Variants in NRG3 observed in about 807,000 individuals in gnomAD.
The protein encoded by NRG3 is neuregulin 3.
In NRG3, 31 loss-of-function variants were observed where a neutral mutation model predicts 66.9. That is an observed-to-expected ratio of 0.46 (90% CI 0.35 to 0.63). The LOEUF is 0.63. Ranked by LOEUF, NRG3 falls within the 20% of genes least tolerant of loss-of-function variation. The pLI is 0.00. For synonymous variants in NRG3, 393 were observed against 359.4 expected, an observed-to-expected ratio of 1.09 and a Z score of -1.06; for missense variants, 910 against 878.9, an observed-to-expected ratio of 1.04 and a Z score of -0.45.
At chr10:82,752,018 A>G (rs994161554) in intron 3 of NRG3, among the ~76,000 whole-genome samples, 2 of 152,126 alleles carry the variant, frequency 1.3e-5, no homozygotes, top group Non-Finnish European at 2.9e-5. Flanking sequence ...TCAGGCACTC[A>G]GGTAATTTTG....
intron 1 of NRG3, among the ~76,000 whole-genome samples, chr10:82,204,660 G>A (rs1419358288): frequency 6.6e-6 from 1 of 152,028 alleles, no homozygotes; most frequent in Admixed American, 6.6e-5. Flanking sequence ...ACTAGCCCTG[G>A]GGGTATTACA....
chr10:82,901,841 C>T (rs1431405588), intron 4 of NRG3, among the ~76,000 whole-genome samples: 3 of 152,196 alleles, frequency 2.0e-5, no homozygotes, highest in Non-Finnish European at 4.4e-5. Context: ...GTTTGGAAGA[C>T]TTCAGATTTC....
chr10:82,287,989 C>A (rs1208727546), intron 1 of NRG3, among the ~76,000 whole-genome samples: 1 of 152,146 alleles, frequency 6.6e-6, no homozygotes, highest in Non-Finnish European at 1.5e-5. Context: ...CAAATCAAGG[C>A]CAGTACTCAA....
intron 1 of NRG3, among the ~76,000 whole-genome samples, chr10:82,185,611 A>G (rs1009491814): frequency 2.0e-5 from 3 of 152,230 alleles, no homozygotes; most frequent in South Asian, 2.1e-4. Flanking sequence ...ATCTATTCAT[A>G]CACACATGCA....
intron 1 of NRG3, among the ~76,000 whole-genome samples, chr10:82,250,627 G>A (rs1564710952): frequency 6.6e-6 from 1 of 152,240 alleles, no homozygotes; most frequent in South Asian, 2.1e-4. Context: ...TCAAGACCAC[G>A]TTGGTCTTGA....
At chr10:82,448,391 A>T (rs986698257) in intron 2 of NRG3, among the ~76,000 whole-genome samples, 1 of 152,240 alleles carries the variant, frequency 6.6e-6, no homozygotes, top group Admixed American at 6.5e-5. Context: ...TGTATTTTAA[A>T]CAATTTTACT....
intron 3 of NRG3, among the ~76,000 whole-genome samples, chr10:82,844,984 G>A (rs1282036215): frequency 5.3e-5 from 8 of 151,930 alleles, no homozygotes; most frequent in African/African-American, 9.7e-5. Context: ...GTGAAACCCC[G>A]TTTCTACTAA....
intron 1 of NRG3, among the ~76,000 whole-genome samples, chr10:82,334,158 A>C (rs1431863211): frequency 3.3e-5 from 5 of 151,842 alleles, no homozygotes; most frequent in African/African-American, 1.2e-4. Context: ...AAAAAAAAGA[A>C]AAGAAAAAGG....
At chr10:82,950,150 C>A (rs373792901) in intron 4 of NRG3, among the ~76,000 whole-genome samples, 2 of 152,040 alleles carry the variant, frequency 1.3e-5, no homozygotes, top group African/African-American at 4.8e-5. Context: ...TTATTAGGCT[C>A]CAAGGTGACT....
chr10:82,325,098 A>G (rs2081794638), intron 1 of NRG3, among the ~76,000 whole-genome samples: 2 of 152,214 alleles, frequency 1.3e-5, no homozygotes. Flanking sequence ...AGTAAGCTGC[A>G]TAGATATTTA....
At chr10:82,603,948 A>T (rs187366078) in intron 2 of NRG3, among the ~76,000 whole-genome samples, 2 of 152,210 alleles carry the variant, frequency 1.3e-5, no homozygotes, top group Admixed American at 6.5e-5. Context: ...AAACATAAAG[A>T]GTTTTCATAT....
At chr10:82,672,078 C>T (rs542734788) in intron 2 of NRG3, among the ~76,000 whole-genome samples, 2 of 152,240 alleles carry the variant, frequency 1.3e-5, no homozygotes, top group East Asian at 1.9e-4. Context: ...TCTTCTCTGG[C>T]GTGTAAGTTG....
rs528520971 is a variant in NRG3, at chr10:82,855,646, C to T, written c.1028-9765C>T. On this transcript the variant is annotated intron_variant, in intron 3 of 8. Coordinates refer to ENST00000372141, the MANE Select transcript of NRG3 (RefSeq NM_001010848.4). ...CTCCTGAGCTCAAGTGATTCGCCTG[C>T]CTCAGCCTCCCAAAGTGCTAGGATT... Among the ~76,000 whole-genome samples the T allele has an allele frequency of 2.8e-4, 42 of 152,224 alleles. 1 individual carries two copies. The East Asian group carries it at 4.3e-3, about 15-fold the overall frequency.
intron 2 of NRG3, among the ~76,000 whole-genome samples, chr10:82,425,985 G>A (rs1420415462): frequency 6.6e-6 from 1 of 152,070 alleles, no homozygotes; most frequent in Admixed American, 6.6e-5. Flanking sequence ...TCCCTGAGAT[G>A]TGACCATCAC....
At chr10:81,933,828 G>T (rs1847614441) in intron 1 of NRG3, among the ~76,000 whole-genome samples, 2 of 152,046 alleles carry the variant, frequency 1.3e-5, no homozygotes, top group South Asian at 4.1e-4. Context: ...TGGCATATAT[G>T]AATTACACTC....
intron 2 of NRG3, among the ~76,000 whole-genome samples, chr10:82,454,544 A>C (rs1475159659): frequency 6.6e-6 from 1 of 152,248 alleles, no homozygotes; most frequent in Non-Finnish European, 1.5e-5. Flanking sequence ...TTATTAAGCT[A>C]GTATTTACAA....
intron 4 of NRG3, among the ~76,000 whole-genome samples, chr10:82,868,435 T>C (rs972507352): frequency 5.9e-5 from 9 of 152,112 alleles, no homozygotes; most frequent in African/African-American, 2.2e-4. Flanking sequence ...GAATTCTCAG[T>C]GGGTGACTAT....
chr10:82,643,462 C>T (rs1431133986), intron 2 of NRG3, among the ~76,000 whole-genome samples: 2 of 151,950 alleles, frequency 1.3e-5, no homozygotes, highest in African/African-American at 4.8e-5. Flanking sequence ...TTCTAAATTG[C>T]CCAGGCTCGG....
intron 2 of NRG3, among the ~76,000 whole-genome samples, chr10:82,365,982 A>T (rs1326380358): frequency 1.3e-5 from 2 of 152,266 alleles, no homozygotes; most frequent in East Asian, 3.9e-4. Flanking sequence ...CCAAGAATTG[A>T]CACAAATTTG....
Sources: gnomAD v4.1 joint callset for allele counts (sites outside exome capture counted in the v4.1 genomes callset) on GRCh38, gnomAD v4.1.1 for gene constraint, MANE v1.5 for transcripts, NCBI Gene and HGNC (gene_info 2026-07-23, HGNC 2026-07-21) for gene names.